The following LMTK2 variants were observed in gnomAD, a reference collection of about 807,000 sequenced individuals.
The protein encoded by LMTK2 is serine/threonine-protein kinase LMTK2.
A neutral mutation model predicts 127.5 loss-of-function variants in LMTK2; 37 were observed. The observed-to-expected ratio is 0.29, with a 90% CI of 0.22 to 0.38. LMTK2 has a LOEUF of 0.38. Ranked by LOEUF, LMTK2 falls within the 10% of genes least tolerant of loss-of-function variation. The pLI is 1.00. For synonymous variants in LMTK2, 819 were observed against 810.1 expected, an observed-to-expected ratio of 1.01 and a Z score of -0.19; for missense variants, 1,694 against 1,920.3, an observed-to-expected ratio of 0.88 and a Z score of 2.20.
At chr7:98,140,587 T>C (rs1484892024) in intron 2 of LMTK2, among the ~76,000 whole-genome samples, 1 of 152,206 alleles carries the variant, frequency 6.6e-6, no homozygotes, top group African/African-American at 2.4e-5. Context: ...AATTTAGTAA[T>C]GTTTCCATTG....
chr7:98,137,475 T>C (rs753354374), intron 2 of LMTK2, 33 bp downstream of exon 2: 1 of 1,591,484 alleles, frequency 6.3e-7, no homozygotes, highest in East Asian at 2.2e-5. Flanking sequence ...TTTAAAATGG[T>C]CTTCCAATAT....
At chr7:98,128,550 C>T (rs1010329857) in intron 1 of LMTK2, among the ~76,000 whole-genome samples, 3 of 152,240 alleles carry the variant, frequency 2.0e-5, no homozygotes, top group African/African-American at 4.8e-5. Flanking sequence ...CAAACTGATA[C>T]GCGCAGTGTT....
chr7:98,194,372 C>T lies in LMTK2; in HGVS notation c.3907C>T (p.Leu1303=). The T allele has an allele frequency of 6.2e-7, 1 of 1,614,162 alleles. No individual in the cohort carries two copies. The highest frequency in any genetic ancestry group is 2.2e-5 in the East Asian group (1 of 44,886). ...DSDEDLRAFN[L]HSLSSESEDE... ...GGACGAGGACCTGCGGGCCTTCAAC[C>T]TGCATAGCCTCAGCTCCGAGTCGGA... The change falls in exon 11 of 14, where the codon CTG becomes TTG. Residue 1303 remains leucine, a synonymous_variant. Coordinates refer to ENST00000297293, the MANE Select transcript of LMTK2 (RefSeq NM_014916.4). The surrounding 1 kb of genome is among the most constrained non-coding windows in gnomAD (Gnocchi z 5.4).
chr7:98,118,085 G>A lies in LMTK2; in HGVS notation c.103+10805G>A, dbSNP rs554119231. Among the ~76,000 whole-genome samples, 51 of 152,260 alleles carry A rather than the reference G, an allele frequency of 3.3e-4. 1 individual carries two copies. The Middle Eastern group carries it at 0.014, about 41-fold the overall frequency. On this transcript the variant is annotated intron_variant, in intron 1 of 13. Transcript: ENST00000297293. Reference sequence around the variant, plus strand: ...TGTACCTAATCTTTGGGGTTGTGGGGAGGGGAGGAGAGAGCAACTTTGGGA... The same window carrying A: ...TGTACCTAATCTTTGGGGTTGTGGGAAGGGGAGGAGAGAGCAACTTTGGGA...
chr7:98,164,151 C>T (rs1797056377), intron 6 of LMTK2, among the ~76,000 whole-genome samples: 2 of 152,352 alleles, frequency 1.3e-5, no homozygotes, highest in East Asian at 1.9e-4. Context: ...AGCTGGCCTG[C>T]AGCCACAGAT....
intron 13 of LMTK2, 38 bp downstream of exon 13, chr7:98,204,224 G>T (rs1389551382): frequency 3.2e-6 from 3 of 937,080 alleles, no homozygotes; most frequent in Non-Finnish European, 5.1e-6. Context: ...GGAGTGCAGG[G>T]TCGGGGGTGG....
chr7:98,123,625 T>C (rs1019421357), intron 1 of LMTK2, among the ~76,000 whole-genome samples: 2 of 152,178 alleles, frequency 1.3e-5, no homozygotes, highest in African/African-American at 4.8e-5. Context: ...TTCATCCATT[T>C]CATTCATCAA....
chr7:98,183,450 C>T (rs972712528), intron 7 of LMTK2, among the ~76,000 whole-genome samples: 7 of 151,918 alleles, frequency 4.6e-5, no homozygotes, highest in African/African-American at 1.5e-4. Context: ...TGCAGTAGTG[C>T]GATCTCGGCT....
intron 11 of LMTK2, among the ~76,000 whole-genome samples, chr7:98,200,938 CCTT>C (rs1797696800): frequency 2.0e-5 from 3 of 152,096 alleles, no homozygotes; most frequent in South Asian, 4.1e-4. Context: ...GGCCTCCTGT[CCTT>C]CTGTTCTTTT....
At chr7:98,168,398 T>G (rs1797135089) in intron 6 of LMTK2, among the ~76,000 whole-genome samples, 1 of 152,240 alleles carries the variant, frequency 6.6e-6, no homozygotes, top group Non-Finnish European at 1.5e-5. Context: ...GGCCCCGGGC[T>G]TCGCGGAGGC....
chr7:98,129,885 G>A (rs1046841077), intron 1 of LMTK2, among the ~76,000 whole-genome samples: 7 of 152,080 alleles, frequency 4.6e-5, no homozygotes, highest in South Asian at 2.1e-4. Flanking sequence ...AGCCTGGCCC[G>A]TGACCCCATT....
chr7:98,199,719 T>C (rs1458658373), intron 11 of LMTK2, among the ~76,000 whole-genome samples: 1 of 152,214 alleles, frequency 6.6e-6, no homozygotes, highest in Non-Finnish European at 1.5e-5. Flanking sequence ...GGTCTCGAAC[T>C]CCTGAGCTCA....
In LMTK2 at chr7:98,209,578, C is replaced by T. The variant is rs964070122; in HGVS notation, c.*4086C>T. The T allele has an allele frequency of 2.0e-5, 3 of 152,268 alleles. No individual in the cohort carries two copies. The highest frequency in any genetic ancestry group is 6.5e-5 in the Admixed American group (1 of 15,302). The allele number at this position is 152,268 out of a possible 1,614,324, so 9.4% of individuals were successfully genotyped here. On this transcript the variant is annotated 3_prime_UTR_variant, in exon 14 of 14. Transcript: ENST00000297293. ...ATGCATAGTGTGATTCAATAAATTG[C>T]TTGTAATTTAAAAACTATTTAATAT...
intron 11 of LMTK2, among the ~76,000 whole-genome samples, chr7:98,202,448 A>C (rs1336183092): frequency 6.6e-6 from 1 of 152,048 alleles, no homozygotes; most frequent in Admixed American, 6.5e-5. Context: ...TCCCAGGTAA[A>C]TTGAGGTGTT....
In LMTK2 at chr7:98,193,065, T is replaced by A; in HGVS notation, c.2600T>A (p.Val867Asp). Residue 867 changes from valine (V) to aspartate (D), a missense_variant, in exon 11 of 14, where the codon GTT becomes GAT. Val to Asp is a radical substitution (Grantham distance 152). Around this residue, in one of 8 missense-constraint regions of LMTK2, gnomAD observed 527 missense variants for 539.8 expected, o/e 0.98. Transcript: ENST00000297293. The surrounding 1 kb of genome is among the most constrained non-coding windows in gnomAD (Gnocchi z 4.1). ...DISPDAVTVPVEILSTDARTH... is the reference protein window; with the variant it reads ...DISPDAVTVPDEILSTDARTH... The stretch of plus-strand genomic sequence containing the variant: ...AGTCCAGACGCTGTGACTGTCCCGG[T>A]TGAAATTCTCTCAACTGATGCCAGA... 4 of 1,613,782 alleles carry A rather than the reference T, an allele frequency of 2.5e-6. No individual in the cohort carries two copies. Among genetic ancestry groups the A allele is most frequent in the East Asian group, 2.2e-5 (1 of 44,858 alleles).
Position 98,193,385 on chromosome 7 carries a change from A to T in LMTK2, c.2920A>T (p.Ser974Cys). 1.2e-6 allele frequency: 2 copies of T among 1,614,166 alleles called. No homozygotes were observed. The highest frequency in any genetic ancestry group is 2.2e-5 in the South Asian group (2 of 91,078). The change falls in exon 11 of 14, where the codon AGT (serine) becomes TGT (cysteine). Residue 974 changes from serine (S) to cysteine (C), a missense_variant. This residue lies in a region of LMTK2 where 527 missense variants were observed against 539.8 expected (regional missense o/e 0.98). Coordinates refer to ENST00000297293, the MANE Select transcript of LMTK2 (RefSeq NM_014916.4). The surrounding 1 kb of genome is among the most constrained non-coding windows in gnomAD (Gnocchi z 4.1). ...GTCTGCCCTCTCCTCGGACTCAACC[A>T]GTCAGGACAGCCTCCTGGAGGACAG... Reference protein sequence around the residue: ...LVSALSSDSTSQDSLLEDSLS... With the variant: ...LVSALSSDSTCQDSLLEDSLS...
chr7:98,111,789 T>C (rs1796205331), intron 1 of LMTK2, among the ~76,000 whole-genome samples: 1 of 152,246 alleles, frequency 6.6e-6, no homozygotes, highest in Non-Finnish European at 1.5e-5. Flanking sequence ...ATTTACTGGA[T>C]TTAAAAAATC....
chr7:98,156,861 G>T (rs960601020), intron 5 of LMTK2, among the ~76,000 whole-genome samples: 1 of 152,156 alleles, frequency 6.6e-6, no homozygotes, highest in Admixed American at 6.5e-5. Flanking sequence ...TTCCTTCTGT[G>T]GGGGAGGTCA....
chr7:98,111,918 C>T (rs1196249902), intron 1 of LMTK2, among the ~76,000 whole-genome samples: 1 of 152,164 alleles, frequency 6.6e-6, no homozygotes, highest in African/African-American at 2.4e-5. Context: ...GAGAACTATG[C>T]TGGAAATTTT....
Sources: allele counts gnomAD v4.1 joint callset (sites outside exome capture counted in the v4.1 genomes callset), GRCh38; gene constraint gnomAD v4.1.1; regional missense constraint gnomAD v4.1.1; non-coding constraint Gnocchi (gnomAD v3.1); transcripts MANE v1.5; gene names NCBI Gene and HGNC (gene_info 2026-07-23, HGNC 2026-07-21).